EML2: variants seen among roughly 807,000 people sequenced by gnomAD.
The protein encoded by EML2 is echinoderm microtubule-associated protein-like 2.
In EML2, 59 loss-of-function variants were observed where a neutral mutation model predicts 84.7. The ratio of observed to expected loss-of-function variants is 0.70; its 90% CI spans 0.56 to 0.86. The LOEUF (loss-of-function observed/expected upper bound fraction) is 0.86. Among genes scored for constraint, EML2 ranks in the 40% least tolerant of loss-of-function variants. The pLI, the probability that EML2 is intolerant of heterozygous loss-of-function variation, is 0.00. For missense variants in EML2, 818 were observed against 855.6 expected (o/e 0.96, Z 0.55); for synonymous variants, 352 against 348.9 (o/e 1.01, Z -0.10).
chr19:45,633,002 G>T, intron 5 of EML2, 31 bp from the exon 6 acceptor site: 1 of 1,603,812 alleles, frequency 6.2e-7, no homozygotes. Context: ...TTACCTTGGG[G>T]GTGCCAGCTG....
chr19:45,613,795 G>T, intron 17 of EML2, 124 bp from the exon 18 acceptor site: 1 of 1,215,476 alleles, frequency 8.2e-7, no homozygotes, highest in Non-Finnish European at 1.1e-6. Flanking sequence ...CCGAGGATAT[G>T]AGTCAGAATT....
intron 11 of EML2, 53 bp downstream of exon 11, chr19:45,621,154 A>G (rs1263309025): frequency 6.3e-7 from 1 of 1,594,394 alleles, no homozygotes; most frequent in East Asian, 2.3e-5. Context: ...GATGCAGGGA[A>G]GGCCAGGGAA....
At chr19:45,632,042 C>T (rs1157164183) in intron 6 of EML2, among the ~76,000 whole-genome samples, 1 of 148,520 alleles carries the variant, frequency 6.7e-6, no homozygotes, top group East Asian at 2.0e-4. Context: ...TTACAGGCAC[C>T]CTCCGCCATG....
upstream of EML2, chr19:45,645,492 G>A (rs1600264190): frequency 7.2e-7 from 1 of 1,397,932 alleles, no homozygotes; most frequent in Middle Eastern, 2.6e-4. Context: ...CGGGCCCGGC[G>A]CTGGGGTCAT....
At chr19:45,617,208 C>T (rs558196757) in intron 13 of EML2, among the ~76,000 whole-genome samples, 4 of 149,818 alleles carry the variant, frequency 2.7e-5, no homozygotes, top group East Asian at 4.0e-4. Flanking sequence ...ATCGCGCCAC[C>T]GGACTCCAGT....
chr19:45,619,805 G>A (rs921403227), intron 11 of EML2, among the ~76,000 whole-genome samples: 4 of 152,066 alleles, frequency 2.6e-5, no homozygotes, highest in African/African-American at 4.8e-5. Context: ...CGGTAATCCC[G>A]ACACTTTGGG....
At chr19:45,625,630 C>A (rs754672109) in intron 8 of EML2, among the ~76,000 whole-genome samples, 16 of 152,186 alleles carry the variant, frequency 1.1e-4, no homozygotes, top group Non-Finnish European at 2.2e-4. Flanking sequence ...CTCTCTAGGT[C>A]CCATTCCCTG....
rs1023555170 is a variant in EML2, at chr19:45,609,587, A to G, written c.*76T>C. On this transcript the variant is annotated 3_prime_UTR_variant, in exon 19 of 19. Coordinates refer to ENST00000245925, the MANE Select transcript of EML2 (RefSeq NM_012155.4). ...TCTGCTATAGACATACTCTGGGTAT[A>G]TATTACTCTACTCGGCAATAGACAT... 5 of 1,472,050 alleles carry G rather than the reference A, an allele frequency of 3.4e-6. No homozygotes were observed. The African/African-American group carries it at 5.7e-5, about 17-fold the overall frequency. 91.2% of individuals were successfully genotyped at this position (1,472,050 alleles called of 1,614,324 possible).
chr19:45,626,122 C>T (rs1398380669), intron 8 of EML2, among the ~76,000 whole-genome samples: 5 of 152,254 alleles, frequency 3.3e-5, no homozygotes, highest in African/African-American at 1.2e-4. Flanking sequence ...AGGGATCCTC[C>T]CACCTCAGCC....
intron 18 of EML2, among the ~76,000 whole-genome samples, chr19:45,612,273 C>T (rs1970574069): frequency 1.3e-5 from 2 of 152,114 alleles, no homozygotes; most frequent in Admixed American, 1.3e-4. Context: ...CCATGTTGGT[C>T]AGGCTGGTCT....
chr19:45,618,471 G>A (rs1006008436), intron 12 of EML2, among the ~76,000 whole-genome samples: 1 of 152,052 alleles, frequency 6.6e-6, no homozygotes, highest in African/African-American at 2.4e-5. Context: ...CTTGACTGTT[G>A]CAGCGGTCAC....
intron 9 of EML2, among the ~76,000 whole-genome samples, chr19:45,622,289 TATCCATCCATCACCCTAGCCATTC>T (rs1329107634): frequency 1.3e-5 from 2 of 152,018 alleles, no homozygotes; most frequent in African/African-American, 4.8e-5. Flanking sequence ...CCAGACTATC[TATCCATCCATCACCCTAGCCATTC>T]ATCCACCCAT....
chr19:45,617,621 C>T lies in EML2; in HGVS notation c.1322+9G>A. On this transcript the variant is annotated intron_variant, in intron 13 of 18. Transcript: ENST00000245925. Reference sequence around the variant, plus strand: ...AGAAGGCCTCCCGAAATGCTCTCCTCAGCTTTACCTGCCAGTCACTGTACC... The same window carrying T: ...AGAAGGCCTCCCGAAATGCTCTCCTTAGCTTTACCTGCCAGTCACTGTACC... The T allele has an allele frequency of 6.2e-7, 1 of 1,612,860 alleles. No individual in the cohort carries two copies. Among genetic ancestry groups the T allele is most frequent in the Non-Finnish European group, 8.5e-7 (1 of 1,179,454 alleles).
intron 18 of EML2, among the ~76,000 whole-genome samples, chr19:45,611,995 C>T: frequency 6.6e-6 from 1 of 152,160 alleles, no homozygotes; most frequent in East Asian, 1.9e-4. Context: ...CCTCACCTTC[C>T]CCAGTAGCTG....
intron 1 of EML2, 123 bp from the exon 2 acceptor site, chr19:45,638,996 G>T (rs780968043): frequency 8.8e-7 from 1 of 1,138,774 alleles, no homozygotes; most frequent in Non-Finnish European, 1.3e-6. Context: ...CGAGTAAGGG[G>T]CAGAGCGCTG....
chr19:45,623,125 C>T (rs1039457715), intron 9 of EML2, among the ~76,000 whole-genome samples: 3 of 150,716 alleles, frequency 2.0e-5, no homozygotes, highest in Non-Finnish European at 2.9e-5. Context: ...TTTGGGAGGC[C>T]GAGGTGGGCG....
chr19:45,625,493 C>A (rs529288861), intron 8 of EML2, among the ~76,000 whole-genome samples: 1 of 152,188 alleles, frequency 6.6e-6, no homozygotes, highest in Non-Finnish European at 1.5e-5. Context: ...CCACCCGCCT[C>A]GGCCTCCCAA....
intron 9 of EML2, among the ~76,000 whole-genome samples, chr19:45,622,150 C>T (rs1274376940): frequency 6.6e-6 from 1 of 152,148 alleles, no homozygotes; most frequent in Non-Finnish European, 1.5e-5. Context: ...AAACCATCTG[C>T]ACTAACATCT....
chr19:45,644,997 C>T, upstream of EML2: 1 of 544,822 alleles, frequency 1.8e-6, no homozygotes, highest in Non-Finnish European at 3.3e-6. Context: ...CCAGGCCGTT[C>T]CCCCTTCCAA....
Sources: allele counts gnomAD v4.1 joint callset (sites outside exome capture counted in the v4.1 genomes callset), GRCh38; gene constraint gnomAD v4.1.1; transcripts MANE v1.5; gene names NCBI Gene and HGNC (gene_info 2026-07-23, HGNC 2026-07-21).